The following SUPT16H variants were observed in gnomAD, a reference collection of about 807,000 sequenced individuals.
The protein encoded by SUPT16H is SPT16 homolog, facilitates chromatin remodeling subunit.
In SUPT16H, 24 loss-of-function variants were observed where a neutral mutation model predicts 136.2. The ratio of observed to expected loss-of-function variants is 0.18; its 90% CI spans 0.13 to 0.25. The LOEUF (loss-of-function observed/expected upper bound fraction) is 0.25, where lower values mean the gene tolerates loss of function less well. Ranked by LOEUF, SUPT16H falls within the 10% of genes least tolerant of loss-of-function variation. The pLI, the probability that SUPT16H is intolerant of heterozygous loss-of-function variation, is 1.00. For synonymous variants in SUPT16H, 415 were observed against 428.2 expected (o/e 0.97, Z 0.38); for missense variants, 623 against 1,270.2 (o/e 0.49, Z 7.74).
At position 21,363,251 on chromosome 14, in the gene SUPT16H, T is replaced by C. The variant is rs1429373105; in HGVS notation, c.1377A>G (p.Leu459=). ...DLLGRGSRAA[L]LTERTRNEMT... The stretch of plus-strand genomic sequence containing the variant: ...AACTTACTCTTGTTCTTTCTGTAAG[T>C]AATGCTGCCCGAGAACCTCTTCCCA... Residue 459 remains leucine (L), a synonymous_variant, in exon 12 of 26, where the codon TTA becomes TTG. Transcript: ENST00000216297. The C allele has an allele frequency of 1.9e-6, 3 of 1,614,222 alleles. No homozygotes were observed. Among genetic ancestry groups the C allele is most frequent in the Non-Finnish European group, 2.5e-6 (3 of 1,180,034 alleles).
intron 4 of SUPT16H, 100 bp downstream of exon 4, chr14:21,370,234 TAC>T (rs1886757058): frequency 6.4e-6 from 9 of 1,400,860 alleles, no homozygotes; most frequent in East Asian, 2.3e-5. Flanking sequence ...TAAACAAACA[TAC>T]AGTTTTCCCA....
intron 14 of SUPT16H, among the ~76,000 whole-genome samples, 198 bp from the exon 15 acceptor site, chr14:21,362,522 T>C (rs928674654): frequency 1.3e-5 from 2 of 152,192 alleles, no homozygotes; most frequent in African/African-American, 4.8e-5. Flanking sequence ...CAAAGTACCT[T>C]GTACCATGAA....
At position 21,357,461 on chromosome 14, in the gene SUPT16H, G is replaced by C; in HGVS notation, c.2491-95C>G. On this transcript the variant is annotated intron_variant, in intron 21 of 25. Coordinates refer to ENST00000216297, the MANE Select transcript of SUPT16H (RefSeq NM_007192.4). ...TCATGATCTAAATCACTACATAAAA[G>C]ATAACTTAAGCTGTTTTTTGGTTTT... is the stretch of plus-strand genomic sequence containing the variant. 3.9e-6 allele frequency: 5 copies of C among 1,270,268 alleles called. No homozygotes were observed. In the South Asian group the frequency reaches 6.7e-5, roughly 17 times the overall value. The allele number at this position is 1,270,268 out of a possible 1,614,324, so 78.7% of individuals were successfully genotyped here.
At position 21,366,904 on chromosome 14, in the gene SUPT16H, A is replaced by G. The variant is rs561103165; in HGVS notation, c.956-375T>C. On this transcript the variant is annotated intron_variant, in intron 7 of 25. Coordinates refer to ENST00000216297, the MANE Select transcript of SUPT16H (RefSeq NM_007192.4). ...AGCAATCCTCCCACCTTGGCTTCCCAAAGTGCAGGAATTATAGGTGTAAAT... is the reference window on the plus strand; with the variant it reads ...AGCAATCCTCCCACCTTGGCTTCCCGAAGTGCAGGAATTATAGGTGTAAAT... Among the ~76,000 whole-genome samples, 4 of 152,034 alleles carry G rather than the reference A, an allele frequency of 2.6e-5. No homozygotes were observed. In the South Asian group the frequency reaches 8.3e-4, roughly 32 times the overall value.
At chr14:21,379,332 A>G (rs899637389) in intron 1 of SUPT16H, among the ~76,000 whole-genome samples, 1 of 151,824 alleles carries the variant, frequency 6.6e-6, no homozygotes, top group Non-Finnish European at 1.5e-5. Flanking sequence ...ACTACTCAGG[A>G]GGCTGAGACA....
chr14:21,358,331 G>T lies in SUPT16H; in HGVS notation c.2398C>A (p.Pro800Thr), dbSNP rs1242121033. 6.2e-7 allele frequency: 1 copy of T among 1,611,144 alleles called. No individual in the cohort carries two copies. Among genetic ancestry groups the T allele is most frequent in the Admixed American group, 1.7e-5 (1 of 59,706 alleles). ...LTKEELEFEV[P>T]FRDLGFNGAP... Reference sequence around the variant, plus strand: ...ATAGGTTACCCCAAGTCCCTAAAAGGCACTTCAAATTCCAGTTCCTCCTTA... The same window carrying T: ...ATAGGTTACCCCAAGTCCCTAAAAGTCACTTCAAATTCCAGTTCCTCCTTA... The change falls in exon 20 of 26, where the codon CCT becomes ACT. Residue 800 changes from proline to threonine, a missense_variant. Pro to Thr is a conservative substitution (Grantham distance 38). This residue lies in a region of SUPT16H where 74 missense variants were observed against 193.8 expected (regional missense o/e 0.38). Coordinates refer to ENST00000216297, the MANE Select transcript of SUPT16H (RefSeq NM_007192.4).
chr14:21,370,244 CCAAAA>C (rs1886757206), intron 4 of SUPT16H, 87 bp downstream of exon 4: 2 of 1,462,998 alleles, frequency 1.4e-6, no homozygotes, highest in Non-Finnish European at 1.8e-6. Flanking sequence ...TACAGTTTTC[CCAAAA>C]CAAACGTCCT....
chr14:21,351,751 C>T lies in SUPT16H; in HGVS notation c.*922G>A, dbSNP rs1886304584. On this transcript the variant is annotated 3_prime_UTR_variant, in exon 26 of 26. Transcript: ENST00000216297. ...GTGATAAATACAGGACAATGCAAGA[C>T]AAAGTTAAAATAAGGAGCAGCAGTG... The T allele has an allele frequency of 6.5e-6, 1 of 152,976 alleles. No individual in the cohort carries two copies. Among genetic ancestry groups the T allele is most frequent in the Non-Finnish European group, 1.5e-5 (1 of 68,312 alleles). 9.5% of individuals were successfully genotyped at this position (152,976 alleles called of 1,614,324 possible). A position where few individuals can be genotyped will look rare whatever the true frequency, so the allele number is the denominator to read the frequency against.
intron 4 of SUPT16H, among the ~76,000 whole-genome samples, 161 bp from the exon 5 acceptor site, chr14:21,370,057 T>C (rs1039945676): frequency 1.7e-4 from 26 of 152,204 alleles, no homozygotes; most frequent in African/African-American, 6.3e-4. Context: ...GAATAAACAT[T>C]TGAAATAGCT....
Position 21,362,212 on chromosome 14 carries a change from G to C in SUPT16H, c.1778C>G (p.Thr593Ser). The change falls in exon 15 of 26, where the codon ACT (threonine) becomes AGT (serine). Residue 593 changes from threonine (T) to serine (S), a missense_variant. This residue lies in a region of SUPT16H where 62 missense variants were observed against 200.5 expected (regional missense o/e 0.31). Coordinates refer to ENST00000216297, the MANE Select transcript of SUPT16H (RefSeq NM_007192.4). ...EGNIFPNPEA[T>S]FVKEITYRAS... ...GGGGACTCACATTTCCTTGACAAAAGTCGCTTCAGGGTTAGGAAAGATGTT... is the reference window on the plus strand; with the variant it reads ...GGGGACTCACATTTCCTTGACAAAACTCGCTTCAGGGTTAGGAAAGATGTT... 6.2e-7 allele frequency: 1 copy of C among 1,611,690 alleles called. No homozygotes were observed. The highest frequency in any genetic ancestry group is 8.5e-7 in the Non-Finnish European group (1 of 1,179,764).
At position 21,383,974 on chromosome 14, in the gene SUPT16H, C is replaced by A. The variant is rs749442441; in HGVS notation, c.-47G>T. On this transcript the variant is annotated 5_prime_UTR_variant, in exon 1 of 26. Transcript: ENST00000216297. ...TCGGGTTCCGAGAATCACGCGAGGT[C>A]CCGGCTCAGCCACCCGCTCTCGGCC... 3 of 1,608,648 alleles carry A rather than the reference C, an allele frequency of 1.9e-6. No homozygotes were observed. Among genetic ancestry groups the A allele is most frequent in the Admixed American group, 1.7e-5 (1 of 59,998 alleles).
chr14:21,369,480 GTAA>G, intron 5 of SUPT16H, 125 bp from the exon 6 acceptor site: 11 of 1,298,392 alleles, frequency 8.5e-6, no homozygotes, highest in Non-Finnish European at 1.2e-5. Flanking sequence ...TATGCGCCAG[GTAA>G]TATATTGGTA....
chr14:21,363,668 T>C (rs1232771883), intron 10 of SUPT16H, among the ~76,000 whole-genome samples, 165 bp from the exon 11 acceptor site: 1 of 152,164 alleles, frequency 6.6e-6, no homozygotes, highest in Non-Finnish European at 1.5e-5. Context: ...CGTCAGGAGC[T>C]ACAATTTTTT....
At position 21,372,019 on chromosome 14, in the gene SUPT16H, G is replaced by T; in HGVS notation, c.185C>A (p.Thr62Asn). ...LQTWLFGYELTDTIMVFCDDK... is the reference protein window; with the variant it reads ...LQTWLFGYELNDTIMVFCDDK... The stretch of plus-strand genomic sequence containing the variant: ...ATCACAAAAGACCATGATAGTATCA[G>T]TTAGTTCATAACCAAAGAGCCATGT... Residue 62 changes from threonine (T) to asparagine (N), a missense_variant, in exon 3 of 26, where the codon ACT becomes AAT. Physicochemically the swap from Thr to Asn is moderately conservative, Grantham distance 65 (BLOSUM62 0). Coordinates refer to ENST00000216297, the MANE Select transcript of SUPT16H (RefSeq NM_007192.4). 4 of 1,613,640 alleles carry T rather than the reference G, an allele frequency of 2.5e-6. No homozygotes were observed. The highest frequency in any genetic ancestry group is 3.4e-6 in the Non-Finnish European group (4 of 1,179,898).
intron 8 of SUPT16H, among the ~76,000 whole-genome samples, chr14:21,365,474 A>T (rs183569015): frequency 6.6e-6 from 1 of 152,246 alleles, no homozygotes; most frequent in Non-Finnish European, 1.5e-5. Flanking sequence ...TAAGGGGTAC[A>T]TTACTAAGAC....
rs1887117506 is a variant in SUPT16H, at chr14:21,383,986, A to ACCCGCTCTCGGCCCAGGAAT, written c.-79_-60dup. 3 of 1,601,480 alleles carry ACCCGCTCTCGGCCCAGGAAT rather than the reference A, an allele frequency of 1.9e-6. No individual in the cohort carries two copies. The South Asian group carries it at 3.3e-5, about 18-fold the overall frequency. On this transcript the variant is annotated 5_prime_UTR_variant, in exon 1 of 26. Coordinates refer to ENST00000216297, the MANE Select transcript of SUPT16H (RefSeq NM_007192.4). ...AATCACGCGAGGTCCCGGCTCAGCCACCCGCTCTCGGCCCAGGAATCCCGC... is the reference window on the plus strand; with the variant it reads ...AATCACGCGAGGTCCCGGCTCAGCCACCCGCTCTCGGCCCAGGAATCCCGCTCTCGGCCCAGGAATCCCGC...
rs141381871 is a variant in SUPT16H at position 21,352,512 on chromosome 14, T to C, written c.*161A>G. 1.0e-4 allele frequency: 119 copies of C among 1,173,852 alleles called. 1 individual carries two copies. The highest frequency in any genetic ancestry group is 3.0e-4 in the Middle Eastern group (1 of 3,332). The allele number at this position is 1,173,852 out of a possible 1,614,324, so 72.7% of individuals were successfully genotyped here. A position where few individuals can be genotyped will look rare whatever the true frequency, so the allele number is the denominator to read the frequency against. Reference sequence around the variant, plus strand: ...GGCACGTGTCCTGGTGGGCCTGGAATTCCCCGAGTAGATTGGTCCACACAA... The same window carrying C: ...GGCACGTGTCCTGGTGGGCCTGGAACTCCCCGAGTAGATTGGTCCACACAA... On this transcript the variant is annotated 3_prime_UTR_variant, in exon 26 of 26. Coordinates refer to ENST00000216297, the MANE Select transcript of SUPT16H (RefSeq NM_007192.4).
At chr14:21,358,577 G>A in intron 19 of SUPT16H, 150 bp from the exon 20 acceptor site, 2 of 617,800 alleles carry the variant, frequency 3.2e-6, no homozygotes, top group Non-Finnish European at 5.7e-6. Context: ...TTGTTACACA[G>A]GTAAACGTGT....
In SUPT16H at chr14:21,374,776, A is replaced by G. The variant is rs181079950; in HGVS notation, c.67-1346T>C. Among the ~76,000 whole-genome samples, 6 of 152,342 alleles carry G rather than the reference A, an allele frequency of 3.9e-5. No homozygotes were observed. The East Asian group carries it at 9.6e-4, about 24-fold the overall frequency. ...TCTGGCTATTGTAAAAAATGTTGCC[A>G]TGAACATTTGAATATGTTTTGTATG... On this transcript the variant is annotated intron_variant, in intron 1 of 25. Transcript: ENST00000216297.
Sources: gnomAD v4.1 joint callset for allele counts (sites outside exome capture counted in the v4.1 genomes callset) on GRCh38, gnomAD v4.1.1 for gene constraint, gnomAD v4.1.1 regional missense constraint, MANE v1.5 for transcripts, NCBI Gene and HGNC (gene_info 2026-07-23, HGNC 2026-07-21) for gene names.